Variants in ZC3H14 observed in about 807,000 individuals in gnomAD.
The protein encoded by ZC3H14 is zinc finger CCCH domain-containing protein 14.
A neutral mutation model predicts 92.4 loss-of-function variants in ZC3H14; 31 were observed. The observed-to-expected ratio is 0.34, with a 90% CI of 0.25 to 0.45. The LOEUF is 0.45. Among genes scored for constraint, ZC3H14 ranks in the 20% least tolerant of loss-of-function variants. ZC3H14 has a pLI of 1.00. For missense variants in ZC3H14, 781 were observed against 897.3 expected (o/e 0.87, Z 1.66); for synonymous variants, 321 against 300.9 (o/e 1.07, Z -0.69).
chr14:88,618,898 TAAAAGTAACGTGTGATAAGGCCTC>T lies in ZC3H14; in HGVS notation c.*7151_*7174del. On this transcript the variant is annotated 3_prime_UTR_variant, in exon 17 of 17. Coordinates refer to ENST00000251038, the MANE Select transcript of ZC3H14 (RefSeq NM_024824.5). Reference sequence around the variant, plus strand: ...TCAGTGACTTTTCCTTTCTAGTTCTTAAAAGTAACGTGTGATAAGGCCTCAAATAGATTTACCTGTCAGACACAA... The same window carrying T: ...TCAGTGACTTTTCCTTTCTAGTTCTTAAATAGATTTACCTGTCAGACACAA... 7.2e-7 allele frequency: 1 copy of T among 1,388,160 alleles called. No homozygotes were observed. The highest frequency in any genetic ancestry group is 9.6e-7 in the Non-Finnish European group (1 of 1,043,046). The allele number at this position is 1,388,160 out of a possible 1,614,324, so 86.0% of individuals were successfully genotyped here. A position where few individuals can be genotyped will look rare whatever the true frequency, so the allele number is the denominator to read the frequency against.
At position 88,612,035 on chromosome 14, in the gene ZC3H14, G is replaced by GT; in HGVS notation, c.*285dup. 1 of 464,140 alleles carries GT rather than the reference G, an allele frequency of 2.2e-6. No homozygotes were observed. The highest frequency in any genetic ancestry group is 2.7e-5 in the South Asian group (1 of 37,606). The allele number at this position is 464,140 out of a possible 1,614,324, so 28.8% of individuals were successfully genotyped here. Reference sequence around the variant, plus strand: ...TGGGGCATGTTTGTGCACTGCTGTTGTGAGGATCAGCATATGAAATTGACA... The same window carrying GT: ...TGGGGCATGTTTGTGCACTGCTGTTGTTGAGGATCAGCATATGAAATTGACA... On this transcript the variant is annotated 3_prime_UTR_variant, in exon 17 of 17. Transcript: ENST00000251038.
chr14:88,596,496 T>C (rs367888742), intron 9 of ZC3H14, among the ~76,000 whole-genome samples: 1 of 152,320 alleles, frequency 6.6e-6, no homozygotes, highest in East Asian at 1.9e-4. Context: ...ACTGATGTCC[T>C]CATAGAGGGA....
chr14:88,609,281 G>A lies in ZC3H14; in HGVS notation c.1883G>A (p.Cys628Tyr). The change falls in exon 14 of 17, where the codon TGT (cysteine) becomes TAT (tyrosine). Residue 628 changes from cysteine (C) to tyrosine (Y), a missense_variant. Physicochemically the swap from Cys to Tyr is radical, Grantham distance 194. Coordinates refer to ENST00000251038, the MANE Select transcript of ZC3H14 (RefSeq NM_024824.5). The stretch of plus-strand genomic sequence containing the variant: ...TTGTTTTGTAGAGCCTTCCCCAATT[G>A]TAAATTTGCTGAAAAATGTTTGTTT... ...PISPCKAFPN[C>Y]KFAEKCLFVH... 6.2e-7 allele frequency: 1 copy of A among 1,613,662 alleles called. No individual in the cohort carries two copies. Among genetic ancestry groups the A allele is most frequent in the Non-Finnish European group, 8.5e-7 (1 of 1,179,888 alleles).
At chr14:88,572,551 A>C (rs1304780953) in intron 5 of ZC3H14, 27 bp from the exon 6 acceptor site, 8 of 1,613,306 alleles carry the variant, frequency 5.0e-6, no homozygotes, top group Non-Finnish European at 6.8e-6. Flanking sequence ...ATTTGGCTGT[A>C]ATACATTTTG....
rs780601982 is a variant in ZC3H14, at chr14:88,620,720, T to C, written c.*8969T>C. On this transcript the variant is annotated 3_prime_UTR_variant, in exon 17 of 17. Coordinates refer to ENST00000251038, the MANE Select transcript of ZC3H14 (RefSeq NM_024824.5). This position sits in a 1 kb window ranked among gnomAD's most constrained non-coding sequence, Gnocchi z 4.3. ...TTACAAATGGAAGTTAAATCAAGTA[T>C]ATACTAGAAACTCTATTCCATTTGT... 1 of 1,476,090 alleles carries C rather than the reference T, an allele frequency of 6.8e-7. No individual in the cohort carries two copies. Among genetic ancestry groups the C allele is most frequent in the Non-Finnish European group, 9.0e-7 (1 of 1,116,760 alleles). The allele number at this position is 1,476,090 out of a possible 1,614,324, so 91.4% of individuals were successfully genotyped here.
intron 9 of ZC3H14, among the ~76,000 whole-genome samples, chr14:88,594,131 T>C (rs1476549943): frequency 6.6e-6 from 1 of 152,194 alleles, no homozygotes; most frequent in African/African-American, 2.4e-5. Flanking sequence ...CTCTCAATAA[T>C]GTTATATACT....
Position 88,627,501 on chromosome 14 carries a change from C to T in ZC3H14, c.*15750C>T. The T allele has an allele frequency of 1.4e-6, 1 of 710,158 alleles. No individual in the cohort carries two copies. The highest frequency in any genetic ancestry group is 2.2e-6 in the Non-Finnish European group (1 of 458,290). The allele number at this position is 710,158 out of a possible 1,614,324, so 44.0% of individuals were successfully genotyped here. Reference sequence around the variant, plus strand: ...GGGCTTTTAAAGTGAAATATACCTACAGTACCACTGTGTACAGTATATTGC... The same window carrying T: ...GGGCTTTTAAAGTGAAATATACCTATAGTACCACTGTGTACAGTATATTGC... On this transcript the variant is annotated 3_prime_UTR_variant, in exon 17 of 17. Transcript: ENST00000251038.
intron 9 of ZC3H14, chr14:88,594,502 T>C (rs907120391): frequency 7.2e-7 from 1 of 1,385,204 alleles, no homozygotes; most frequent in Non-Finnish European, 9.3e-7. Flanking sequence ...CTGGTACGTT[T>C]AGCTTTTTCA....
Position 88,607,449 on chromosome 14 carries a change from C to G in ZC3H14, c.1868+86C>G, listed in dbSNP as rs2085621405. ...AAGTACCATCCCCCATCTCACCTGG[C>G]AAGTACCATCCCATCTCACCCAGCA... On this transcript the variant is annotated intron_variant, in intron 13 of 16. Coordinates refer to ENST00000251038, the MANE Select transcript of ZC3H14 (RefSeq NM_024824.5). The G allele has an allele frequency of 6.0e-6, 9 of 1,508,726 alleles. No homozygotes were observed. The East Asian group carries it at 2.3e-4, about 38-fold the overall frequency. 93.5% of individuals were successfully genotyped at this position (1,508,726 alleles called of 1,614,324 possible). A position where few individuals can be genotyped will look rare whatever the true frequency, so the allele number is the denominator to read the frequency against.
intron 14 of ZC3H14, 81 bp downstream of exon 14, chr14:88,609,484 A>G: frequency 5.6e-6 from 9 of 1,603,430 alleles, no homozygotes; most frequent in Non-Finnish European, 7.7e-6. Context: ...TTGAACAAAC[A>G]AAAGATGGTT....
In ZC3H14 at chr14:88,618,910, G is replaced by T; in HGVS notation, c.*7159G>T. On this transcript the variant is annotated 3_prime_UTR_variant, in exon 17 of 17. Coordinates refer to ENST00000251038, the MANE Select transcript of ZC3H14 (RefSeq NM_024824.5). ...CCTTTCTAGTTCTTAAAAGTAACGT[G>T]TGATAAGGCCTCAAATAGATTTACC... 8.1e-7 allele frequency: 1 copy of T among 1,234,912 alleles called. No homozygotes were observed. The allele number at this position is 1,234,912 out of a possible 1,614,324, so 76.5% of individuals were successfully genotyped here.
intron 4 of ZC3H14, among the ~76,000 whole-genome samples, chr14:88,571,531 T>TA (rs1292757431): frequency 6.6e-6 from 1 of 152,180 alleles, no homozygotes; most frequent in East Asian, 1.9e-4. Flanking sequence ...ATACATGTTT[T>TA]AAAAAATGTG....
intron 4 of ZC3H14, among the ~76,000 whole-genome samples, chr14:88,571,690 G>T (rs147063583): frequency 6.6e-6 from 1 of 152,162 alleles, no homozygotes. Context: ...GGCCGGGCAC[G>T]GTGGCTCACG....
intron 9 of ZC3H14, among the ~76,000 whole-genome samples, chr14:88,587,996 TTG>T: frequency 6.6e-6 from 1 of 152,204 alleles, no homozygotes; most frequent in Non-Finnish European, 1.5e-5. Context: ...ATTCTGTTTC[TTG>T]TACAGTTTTG....
At chr14:88,574,228 A>T (rs1343856760) in intron 6 of ZC3H14, 1 of 156,028 alleles carries the variant, frequency 6.4e-6, no homozygotes, top group Non-Finnish European at 1.4e-5. Context: ...TAGGGATAAT[A>T]TTTATATTTA....
Position 88,571,846 on chromosome 14 carries a change from C to T in ZC3H14, c.236-184C>T, listed in dbSNP as rs565641101. Among the ~76,000 whole-genome samples the T allele has an allele frequency of 3.9e-5, 6 of 152,238 alleles. No homozygotes were observed. In the South Asian group the frequency reaches 8.3e-4, roughly 21 times the overall value. ...AGGCATCGTGGCACATGCCTGTAAT[C>T]CCAGCTACTTGGGAGGCCGGGGCAG... On this transcript the variant is annotated intron_variant, in intron 4 of 16. Coordinates refer to ENST00000251038, the MANE Select transcript of ZC3H14 (RefSeq NM_024824.5).
chr14:88,610,834 C>T lies in ZC3H14; in HGVS notation c.2098C>T (p.His700Tyr). Reference sequence around the variant, plus strand: ...TTGAAGCTCTGTTATCTCTATTCAGCATTGTAGGTTTAACACTCAATGTAC... The same window carrying T: ...TTGAAGCTCTGTTATCTCTATTCAGTATTGTAGGTTTAACACTCAATGTAC... ...KMECPFYHPK[H>Y]CRFNTQCTRP... Residue 700 changes from histidine (H) to tyrosine (Y), a missense_variant and splice_region_variant, in exon 16 of 17, where the codon CAT becomes TAT. By Grantham distance (83) the His-to-Tyr change is moderately conservative. Transcript: ENST00000251038. The T allele has an allele frequency of 6.2e-7, 1 of 1,613,260 alleles. No homozygotes were observed. Among genetic ancestry groups the T allele is most frequent in the Non-Finnish European group, 8.5e-7 (1 of 1,179,270 alleles).
intron 9 of ZC3H14, among the ~76,000 whole-genome samples, chr14:88,580,234 G>A (rs952763469): frequency 5.9e-5 from 9 of 152,162 alleles, no homozygotes; most frequent in Non-Finnish European, 1.2e-4. Flanking sequence ...GAGCCCAGGA[G>A]GCTGAGGTTG....
chr14:88,574,571 G>A lies in ZC3H14; in HGVS notation c.862-122G>A, dbSNP rs1281022179. Reference sequence around the variant, plus strand: ...TATTTATATTTTTACATAAAACCAAGAAATACTCTGTGAATTTCTCATATT... The same window carrying A: ...TATTTATATTTTTACATAAAACCAAAAAATACTCTGTGAATTTCTCATATT... On this transcript the variant is annotated intron_variant, in intron 6 of 16. Coordinates refer to ENST00000251038, the MANE Select transcript of ZC3H14 (RefSeq NM_024824.5). The A allele has an allele frequency of 3.9e-6, 5 of 1,273,910 alleles. No homozygotes were observed. The African/African-American group carries it at 7.4e-5, about 19-fold the overall frequency. The allele number at this position is 1,273,910 out of a possible 1,614,324, so 78.9% of individuals were successfully genotyped here.
Sources: allele counts gnomAD v4.1 joint callset (sites outside exome capture counted in the v4.1 genomes callset), GRCh38; gene constraint gnomAD v4.1.1; non-coding constraint Gnocchi (gnomAD v3.1); transcripts MANE v1.5; gene names NCBI Gene and HGNC (gene_info 2026-07-23, HGNC 2026-07-21).